Variants in UMAD1 observed in about 807,000 individuals in gnomAD.
UMAD1 encodes the protein UBAP1-MVB12-associated (UMA)-domain containing protein 1.
A neutral mutation model predicts 6.1 loss-of-function variants in UMAD1; 8 were observed. That is an observed-to-expected ratio of 1.30 (90% CI 0.76 to 2.35). The LOEUF (loss-of-function observed/expected upper bound fraction) is 2.35. Among genes scored for constraint, UMAD1 ranks in the 30% most tolerant of loss-of-function variants. The pLI is 0.00. For synonymous variants in UMAD1, 56 were observed against 31.4 expected (o/e 1.78, Z -2.61); for missense variants, 130 against 78.4 (o/e 1.66, Z -2.49).
At chr7:7,658,631 T>A (rs887707142) in intron 1 of UMAD1, among the ~76,000 whole-genome samples, 1 of 152,228 alleles carries the variant, frequency 6.6e-6, no homozygotes, top group African/African-American at 2.4e-5. Context: ...TTGTGTATGT[T>A]GAACCAGCCT....
chr7:7,842,071 G>A (rs1783691970), intron 3 of UMAD1, among the ~76,000 whole-genome samples: 1 of 152,150 alleles, frequency 6.6e-6, no homozygotes, highest in African/African-American at 2.4e-5. Context: ...TGTTAGGTAA[G>A]CAATAACAGC....
intron 3 of UMAD1, among the ~76,000 whole-genome samples, chr7:7,807,872 A>T (rs1287286860): frequency 1.3e-5 from 2 of 152,058 alleles, no homozygotes; most frequent in Non-Finnish European, 2.9e-5. Flanking sequence ...TCTCTCAATA[A>T]TAAATTAATT....
Position 7,877,958 on chromosome 7 carries a change from G to T in UMAD1, c.*420G>T. ...AGGAAGTTGAATTGGTGTTATTCCTGCATTTTTTTCTTCCACAGTGTTTAT... is the reference window on the plus strand; with the variant it reads ...AGGAAGTTGAATTGGTGTTATTCCTTCATTTTTTTCTTCCACAGTGTTTAT... On this transcript the variant is annotated 3_prime_UTR_variant, in exon 4 of 4. Transcript: ENST00000682710. 6.1e-6 allele frequency: 1 copy of T among 162,792 alleles called. No homozygotes were observed. The highest frequency in any genetic ancestry group is 1.7e-4 in the South Asian group (1 of 5,808). The allele number at this position is 162,792 out of a possible 1,614,324, so 10.1% of individuals were successfully genotyped here.
At chr7:7,716,662 C>T (rs1017884893) in intron 2 of UMAD1, among the ~76,000 whole-genome samples, 3 of 152,098 alleles carry the variant, frequency 2.0e-5, no homozygotes, top group Non-Finnish European at 4.4e-5. Flanking sequence ...TGGAGGCCGG[C>T]GCGGCCGGCG....
intron 1 of UMAD1, among the ~76,000 whole-genome samples, chr7:7,653,404 C>T (rs1352344808): frequency 1.3e-5 from 2 of 152,092 alleles, no homozygotes; most frequent in Non-Finnish European, 2.9e-5. Flanking sequence ...TATAAGCTCT[C>T]AAAAAGGCAG....
intron 3 of UMAD1, among the ~76,000 whole-genome samples, chr7:7,847,710 C>T (rs1331083982): frequency 6.6e-6 from 1 of 152,170 alleles, no homozygotes. Context: ...ACTCTGGTGC[C>T]GGGCACATTA....
intron 3 of UMAD1, among the ~76,000 whole-genome samples, chr7:7,855,062 A>C (rs1181776684): frequency 6.6e-6 from 1 of 152,220 alleles, no homozygotes; most frequent in African/African-American, 2.4e-5. Flanking sequence ...GCTGATGCAA[A>C]AGGTGGGCTC....
intron 2 of UMAD1, among the ~76,000 whole-genome samples, chr7:7,717,528 A>G (rs966749760): frequency 2.6e-5 from 4 of 152,152 alleles, no homozygotes; most frequent in Non-Finnish European, 5.9e-5. Flanking sequence ...TTTGAAGTAA[A>G]ATGTTTAAGG....
At chr7:7,717,137 A>G (rs141725241) in intron 2 of UMAD1, among the ~76,000 whole-genome samples, 21,325 of 148,760 alleles carry the variant, frequency 0.14, 1,876 homozygotes, top group Middle Eastern at 0.2. Flanking sequence ...GCTCACTGCA[A>G]CCTCCGTCTC....
intron 2 of UMAD1, among the ~76,000 whole-genome samples, chr7:7,724,129 A>G (rs1478002443): frequency 6.6e-6 from 1 of 152,104 alleles, no homozygotes. Flanking sequence ...TCCTCCCCCA[A>G]GGAGACCTCC....
At chr7:7,714,229 A>G (rs1780836816) in intron 2 of UMAD1, among the ~76,000 whole-genome samples, 1 of 152,192 alleles carries the variant, frequency 6.6e-6, no homozygotes, top group African/African-American at 2.4e-5. Flanking sequence ...CTCCACTTAT[A>G]TGACTTTGCA....
intron 2 of UMAD1, among the ~76,000 whole-genome samples, chr7:7,787,704 T>C (rs1162699749): frequency 1.3e-5 from 2 of 152,196 alleles, no homozygotes; most frequent in Non-Finnish European, 2.9e-5. Context: ...AAAGGCACTA[T>C]TGACTCCTTG....
chr7:7,816,709 CTTTCA>C (rs1162646317), intron 3 of UMAD1, among the ~76,000 whole-genome samples: 2 of 152,178 alleles, frequency 1.3e-5, no homozygotes, highest in Non-Finnish European at 2.9e-5. Context: ...ACTTCTTCCT[CTTTCA>C]TTCTCAACCC....
intron 1 of UMAD1, among the ~76,000 whole-genome samples, chr7:7,668,485 A>G (rs187379357): frequency 3.5e-4 from 53 of 152,274 alleles, no homozygotes; most frequent in African/African-American, 1.2e-3. Flanking sequence ...GTTATTGCTA[A>G]TCTCTTAGTG....
intron 2 of UMAD1, among the ~76,000 whole-genome samples, chr7:7,721,162 A>G (rs558848194): frequency 1.3e-5 from 2 of 152,336 alleles, no homozygotes; most frequent in Middle Eastern, 6.8e-3. Flanking sequence ...GCTTAGCCCT[A>G]CTGACAACTT....
chr7:7,766,089 C>T (rs567807812), intron 2 of UMAD1, among the ~76,000 whole-genome samples: 27 of 152,200 alleles, frequency 1.8e-4, no homozygotes, highest in African/African-American at 5.8e-4. Context: ...CAGATAGAAC[C>T]GAAATGTAGC....
chr7:7,752,064 A>C (rs1416426537), intron 2 of UMAD1, among the ~76,000 whole-genome samples: 1 of 152,208 alleles, frequency 6.6e-6, no homozygotes, highest in African/African-American at 2.4e-5. Flanking sequence ...ATTTAGGTAC[A>C]TAGGGTTCAT....
At chr7:7,695,508 A>G (rs762139406) in intron 2 of UMAD1, among the ~76,000 whole-genome samples, 2 of 152,108 alleles carry the variant, frequency 1.3e-5, no homozygotes, top group African/African-American at 2.4e-5. Context: ...TTTCCTTGTT[A>G]CTTTCAGGCA....
chr7:7,651,356 G>A (rs1244837707), intron 1 of UMAD1, among the ~76,000 whole-genome samples: 1 of 152,146 alleles, frequency 6.6e-6, no homozygotes, highest in Non-Finnish European at 1.5e-5. Flanking sequence ...GTTTATAAGG[G>A]TACAGGATGG....
Sources: allele counts gnomAD v4.1 joint callset (sites outside exome capture counted in the v4.1 genomes callset), GRCh38; gene constraint gnomAD v4.1.1; transcripts MANE v1.5; gene names NCBI Gene and HGNC (gene_info 2026-07-23, HGNC 2026-07-21).